DOCK3: variants seen among roughly 807,000 people sequenced by gnomAD.
DOCK3 encodes the protein dedicator of cytokinesis 3, also known as dedicator of cytokinesis protein 3.
In DOCK3, 60 loss-of-function variants were observed where a neutral mutation model predicts 265.6. The observed-to-expected ratio is 0.23, with a 90% CI of 0.18 to 0.28. The LOEUF is 0.28. DOCK3 is among the 10% of genes least tolerant of loss of function. The probability of loss-of-function intolerance (pLI) is 1.00; values close to 1 mark genes in which losing one functional copy is unlikely to be tolerated. For missense variants in DOCK3, 1,981 were observed against 2,594.3 expected, an observed-to-expected ratio of 0.76 and a Z score of 5.14; for synonymous variants, 881 against 938.0, an observed-to-expected ratio of 0.94 and a Z score of 1.11.
intron 27 of DOCK3, among the ~76,000 whole-genome samples, chr3:51,307,887 T>G (rs978154878): frequency 2.7e-5 from 4 of 149,808 alleles, no homozygotes; most frequent in Admixed American, 6.7e-5. Context: ...GGGTTTTTTT[T>G]TTTGTTTTTT....
At chr3:51,227,089 C>A (rs1317423880) in intron 15 of DOCK3, among the ~76,000 whole-genome samples, 194 bp from the exon 16 acceptor site, 1 of 152,170 alleles carries the variant, frequency 6.6e-6, no homozygotes, top group Non-Finnish European at 1.5e-5. Context: ...ATTGTGACTG[C>A]TGATTTCATA....
At chr3:51,317,447 C>T (rs1447192580) in intron 32 of DOCK3, among the ~76,000 whole-genome samples, 1 of 150,994 alleles carries the variant, frequency 6.6e-6, no homozygotes, top group African/African-American at 2.4e-5. Context: ...AGGCGTGGTG[C>T]CACGTGCCTG....
At chr3:51,282,593 C>T (rs760539820) in intron 27 of DOCK3, among the ~76,000 whole-genome samples, 8 of 146,606 alleles carry the variant, frequency 5.5e-5, no homozygotes, top group East Asian at 4.1e-4. Flanking sequence ...GTGGAGGTTG[C>T]GGTGAGCCAA....
At chr3:51,090,508 A>C in intron 9 of DOCK3, 124 bp downstream of exon 9, 37 of 1,041,662 alleles carry the variant, frequency 3.6e-5, no homozygotes, top group Non-Finnish European at 4.3e-5. Flanking sequence ...ACCTCATCTC[A>C]TTAGCTAGGA....
At chr3:50,843,708 G>A (rs1211394571) in intron 3 of DOCK3, among the ~76,000 whole-genome samples, 2 of 152,004 alleles carry the variant, frequency 1.3e-5, no homozygotes, top group Admixed American at 6.6e-5. Flanking sequence ...TTCAGAGATT[G>A]TATATTTTGG....
intron 32 of DOCK3, among the ~76,000 whole-genome samples, chr3:51,316,830 G>A (rs2083394045): frequency 6.6e-6 from 1 of 152,054 alleles, no homozygotes; most frequent in Non-Finnish European, 1.5e-5. Flanking sequence ...TTGAATTGTA[G>A]GGTTCTTTAT....
chr3:50,978,659 G>T (rs796081877), intron 5 of DOCK3, among the ~76,000 whole-genome samples: 2 of 152,224 alleles, frequency 1.3e-5, no homozygotes, highest in African/African-American at 4.8e-5. Flanking sequence ...TCCTTGAGCT[G>T]TGGTGGGCTC....
At chr3:51,296,626 G>A (rs1163147784) in intron 27 of DOCK3, among the ~76,000 whole-genome samples, 4 of 151,772 alleles carry the variant, frequency 2.6e-5, no homozygotes, top group Admixed American at 6.6e-5. Flanking sequence ...ACAGGTGCCC[G>A]CCACCATGCC....
intron 4 of DOCK3, among the ~76,000 whole-genome samples, chr3:50,892,388 A>G (rs1344610026): frequency 3.2e-4 from 49 of 152,242 alleles, no homozygotes. Context: ...TAAGAGGTCC[A>G]GTATCCAGTG....
chr3:50,741,758 A>G (rs1465817126), intron 1 of DOCK3, among the ~76,000 whole-genome samples: 1 of 152,058 alleles, frequency 6.6e-6, no homozygotes, highest in Non-Finnish European at 1.5e-5. Context: ...TCTTTATAGC[A>G]GCATGATTTA....
intron 19 of DOCK3, among the ~76,000 whole-genome samples, chr3:51,233,336 ATCTATCTATCTATCTATCTATCTAT>A (rs1208934929): frequency 4.5e-5 from 2 of 44,014 alleles, no homozygotes; most frequent in African/African-American, 6.9e-5. Context: ...CTATCTATCT[ATCTATCTATCTATCTATCTATCTAT>A]TTATTTATTT....
intron 40 of DOCK3, 38 bp downstream of exon 40, chr3:51,350,430 T>A: frequency 6.3e-7 from 1 of 1,588,114 alleles, no homozygotes; most frequent in Non-Finnish European, 8.6e-7. Flanking sequence ...CTTATATATT[T>A]TACGCATAAT....
chr3:50,984,305 C>T (rs910888592), intron 5 of DOCK3, among the ~76,000 whole-genome samples: 2 of 152,182 alleles, frequency 1.3e-5, no homozygotes, highest in Non-Finnish European at 2.9e-5. Context: ...CATTTGTTTG[C>T]TTGCTCTACC....
intron 1 of DOCK3, among the ~76,000 whole-genome samples, chr3:50,725,555 A>G (rs2037765559): frequency 6.6e-6 from 1 of 152,212 alleles, no homozygotes; most frequent in African/African-American, 2.4e-5. Flanking sequence ...CTGGTATCCA[A>G]TAAAAAATAA....
intron 5 of DOCK3, among the ~76,000 whole-genome samples, chr3:51,052,339 C>T (rs2081024241): frequency 6.6e-6 from 1 of 152,036 alleles, no homozygotes; most frequent in African/African-American, 2.4e-5. Flanking sequence ...GACCTTGTCT[C>T]TCTAAAATAC....
rs568878947 is a variant in DOCK3 at position 50,899,670 on chromosome 3, T to G, written c.218+9589T>G. On this transcript the variant is annotated intron_variant, in intron 4 of 52. Coordinates refer to ENST00000266037, the MANE Select transcript of DOCK3 (RefSeq NM_004947.5). ...TTCAGGAGCTCTTGTAAGGCAGGCC[T>G]GGTGGTGACAAAATCTCTCAGTAGT... Among the ~76,000 whole-genome samples the G allele has an allele frequency of 2.6e-5, 4 of 152,338 alleles. No individual in the cohort carries two copies. The East Asian group carries it at 7.7e-4, about 29-fold the overall frequency.
chr3:50,880,310 A>C (rs2107650281), intron 3 of DOCK3, among the ~76,000 whole-genome samples: 1 of 151,684 alleles, frequency 6.6e-6, no homozygotes, highest in African/African-American at 2.4e-5. Context: ...GACACAAAAA[A>C]CCCTTCAAAA....
intron 6 of DOCK3, among the ~76,000 whole-genome samples, chr3:51,071,109 A>G (rs984231268): frequency 6.6e-6 from 1 of 152,212 alleles, no homozygotes; most frequent in African/African-American, 2.4e-5. Context: ...GGGAAAGGAA[A>G]AAGATAAAAT....
intron 40 of DOCK3, among the ~76,000 whole-genome samples, chr3:51,354,476 T>C (rs901174935): frequency 1.3e-5 from 2 of 152,188 alleles, no homozygotes; most frequent in Admixed American, 6.5e-5. Context: ...TTTTCCTGTC[T>C]TGATTGTTGT....
Sources: allele counts gnomAD v4.1 joint callset (sites outside exome capture counted in the v4.1 genomes callset), GRCh38; gene constraint gnomAD v4.1.1; transcripts MANE v1.5; gene names NCBI Gene and HGNC (gene_info 2026-07-23, HGNC 2026-07-21).